Variants in DSG2 observed in about 807,000 individuals in gnomAD.
The protein encoded by DSG2 is desmoglein 2.
Under a neutral mutation model 75.6 loss-of-function variants are expected in DSG2, and 45 were observed. The observed-to-expected ratio is 0.60, with a 90% CI of 0.47 to 0.76. The LOEUF (loss-of-function observed/expected upper bound fraction) is 0.76. Ranked by LOEUF, DSG2 falls within the 30% of genes least tolerant of loss-of-function variation. The pLI, the probability that DSG2 is intolerant of heterozygous loss-of-function variation, is 0.00. For missense variants in DSG2, 1,267 were observed against 1,357.4 expected (o/e 0.93, Z 1.05); for synonymous variants, 429 against 483.9 (o/e 0.89, Z 1.49).
chr18:31,542,669 G>A lies in DSG2; in HGVS notation c.2151G>A (p.Arg717=). Residue 717 remains arginine (R), a synonymous_variant, in exon 14 of 15, where the codon AGG becomes AGA. Coordinates refer to ENST00000261590, the MANE Select transcript of DSG2 (RefSeq NM_001943.5). The part of the protein sequence containing the change: ...GQHEMSEMDG[R]WEEHRSLLSG... ...ATGAGATGTCCGAGATGGATGGAAGGTGGGAAGAACACAGAAGCCTGCTTT... is the reference window on the plus strand; with the variant it reads ...ATGAGATGTCCGAGATGGATGGAAGATGGGAAGAACACAGAAGCCTGCTTT... 1 of 1,614,172 alleles carries A rather than the reference G, an allele frequency of 6.2e-7. No homozygotes were observed. Among genetic ancestry groups the A allele is most frequent in the Non-Finnish European group, 8.5e-7 (1 of 1,180,026 alleles).
chr18:31,534,077 G>C (rs1445486749), intron 9 of DSG2, among the ~76,000 whole-genome samples: 1 of 144,012 alleles, frequency 6.9e-6, no homozygotes, highest in African/African-American at 2.6e-5. Context: ...TGCAACCTCT[G>C]CCTCCCGGGT....
chr18:31,537,190 C>A (rs1349530582), intron 11 of DSG2, among the ~76,000 whole-genome samples: 1 of 152,054 alleles, frequency 6.6e-6, no homozygotes, highest in African/African-American at 2.4e-5. Context: ...TTAAGTCTAG[C>A]AAATGTTTGA....
intron 9 of DSG2, among the ~76,000 whole-genome samples, chr18:31,534,755 C>T (rs1179979790): frequency 6.6e-6 from 1 of 152,142 alleles, no homozygotes; most frequent in Admixed American, 6.5e-5. Flanking sequence ...AGTGATCCAC[C>T]CGCCTCAGCC....
intron 1 of DSG2, among the ~76,000 whole-genome samples, chr18:31,516,226 G>A (rs915775520): frequency 2.0e-5 from 3 of 152,060 alleles, no homozygotes; most frequent in Non-Finnish European, 4.4e-5. Context: ...CAATGGAGAA[G>A]GAAGATAAAA....
intron 3 of DSG2, 76 bp downstream of exon 3, chr18:31,520,013 A>C: frequency 3.8e-6 from 6 of 1,574,280 alleles, no homozygotes; most frequent in Non-Finnish European, 5.2e-6. Context: ...TGTCTACTTT[A>C]AGATTTAAGG....
chr18:31,518,187 A>G, intron 1 of DSG2, 52 bp from the exon 2 acceptor site: 2 of 1,400,340 alleles, frequency 1.4e-6, no homozygotes, highest in Non-Finnish European at 2.0e-6. Flanking sequence ...CAATGTTTTC[A>G]CACTGAATTG....
At chr18:31,542,496 T>C in intron 13 of DSG2, 24 bp from the exon 14 acceptor site, 1 of 1,612,542 alleles carries the variant, frequency 6.2e-7, no homozygotes, top group Non-Finnish European at 8.5e-7. Context: ...CTGACTCAGT[T>C]CTCAGCTGTG....
intron 9 of DSG2, among the ~76,000 whole-genome samples, chr18:31,533,885 C>T (rs927815661): frequency 6.6e-6 from 1 of 151,906 alleles, no homozygotes; most frequent in Non-Finnish European, 1.5e-5. Context: ...AATAAATTAA[C>T]AATTTGATTG....
At position 31,535,338 on chromosome 18, in the gene DSG2, C is replaced by T. The variant is rs752646801; in HGVS notation, c.1349C>T (p.Ala450Val). Residue 450 changes from alanine to valine, a missense_variant, in exon 10 of 15, where the codon GCA becomes GTA. Physicochemically the swap from Ala to Val is moderately conservative, Grantham distance 64 (BLOSUM62 0). Transcript: ENST00000261590. ...VDSVTSEIKL[A>V]KLPDFESRYV... ...TCTGTCACATCTGAAATTAAACTTGCAAAACTTCCTGATTTTGAATCTAGA... is the reference window on the plus strand; with the variant it reads ...TCTGTCACATCTGAAATTAAACTTGTAAAACTTCCTGATTTTGAATCTAGA... 3 of 1,609,088 alleles carry T rather than the reference C, an allele frequency of 1.9e-6. No homozygotes were observed. The highest frequency in any genetic ancestry group is 2.6e-6 in the Non-Finnish European group (3 of 1,176,118).
rs2073275454 is a variant in DSG2, at chr18:31,542,605, T to G, written c.2087T>G (p.Met696Arg). Residue 696 changes from methionine (M) to arginine (R), a missense_variant, in exon 14 of 15, where the codon ATG becomes AGG. By Grantham distance (91) the Met-to-Arg change is moderately conservative. Transcript: ENST00000261590. Reference protein sequence around the residue: ...GVGGMAKEATMKGSSSASIVK... With the variant: ...GVGGMAKEATRKGSSSASIVK... ...GGAGGTATGGCCAAGGAAGCCACGA[T>G]GAAAGGAAGTAGCTCTGCTTCCATT... 2.5e-6 allele frequency: 4 copies of G among 1,614,048 alleles called. No individual in the cohort carries two copies. In the East Asian group the frequency reaches 8.9e-5, roughly 36 times the overall value.
chr18:31,545,810 T>C lies in DSG2; in HGVS notation c.2424T>C (p.Asn808=), dbSNP rs1288711942. The C allele has an allele frequency of 6.2e-7, 1 of 1,614,112 alleles. No homozygotes were observed. Among genetic ancestry groups the C allele is most frequent in the African/African-American group, 1.3e-5 (1 of 74,954 alleles). The change falls in exon 15 of 15, where the codon AAT becomes AAC. Residue 808 remains asparagine (N), a synonymous_variant. Coordinates refer to ENST00000261590, the MANE Select transcript of DSG2 (RefSeq NM_001943.5). ...CTCAGGAAGAAACTGAATCGCTGAATGCTTCTATTGGTTGTTGCAGTTTTA... is the reference window on the plus strand; with the variant it reads ...CTCAGGAAGAAACTGAATCGCTGAACGCTTCTATTGGTTGTTGCAGTTTTA... ...VYSQEETESL[N]ASIGCCSFIE... is the part of the protein sequence containing the mutation.
intron 1 of DSG2, among the ~76,000 whole-genome samples, chr18:31,508,703 C>T (rs1444894588): frequency 6.6e-6 from 1 of 152,122 alleles, no homozygotes; most frequent in African/African-American, 2.4e-5. Context: ...CCACTGAGCC[C>T]GGCCTGAATT....
At chr18:31,539,961 G>A (rs921095597) in intron 12 of DSG2, among the ~76,000 whole-genome samples, 7 of 151,924 alleles carry the variant, frequency 4.6e-5, no homozygotes, top group African/African-American at 1.2e-4. Context: ...TCCAGGTTGC[G>A]TGCTCCTTAT....
intron 12 of DSG2, 64 bp from the exon 13 acceptor site, chr18:31,541,129 G>A: frequency 6.2e-7 from 1 of 1,608,642 alleles, no homozygotes; most frequent in Non-Finnish European, 8.5e-7. Context: ...CCAAAATTGT[G>A]CAATATAAAT....
intron 1 of DSG2, among the ~76,000 whole-genome samples, chr18:31,502,080 G>A (rs2073016414): frequency 6.6e-6 from 1 of 152,104 alleles, no homozygotes; most frequent in Non-Finnish European, 1.5e-5. Flanking sequence ...GTAGGTAATG[G>A]GAAAATGGCA....
At position 31,538,787 on chromosome 18, in the gene DSG2, T is replaced by G. The variant is rs780469370; in HGVS notation, c.1688T>G (p.Leu563Arg). Residue 563 changes from leucine to arginine, a missense_variant, in exon 12 of 15, where the codon CTT becomes CGT. Leu to Arg is a moderately radical substitution (Grantham distance 102). Transcript: ENST00000261590. ...CTGCTGCAACAAAGTGAGAAAAAGC[T>G]TGGGAGAAGTGAAATTCAGTTCCTG... ...SVLLQQSEKK[L>R]GRSEIQFLIS... 3.0e-5 allele frequency: 48 copies of G among 1,614,156 alleles called. No homozygotes were observed. In the East Asian group the frequency reaches 1.0e-3, roughly 35 times the overall value.
At chr18:31,537,935 A>G (rs2073241315) in intron 11 of DSG2, among the ~76,000 whole-genome samples, 1 of 152,146 alleles carries the variant, frequency 6.6e-6, no homozygotes, top group Non-Finnish European at 1.5e-5. Context: ...CAGAGGTTGC[A>G]GTGAGCCAAG....
At chr18:31,515,319 A>T (rs1239985265) in intron 1 of DSG2, among the ~76,000 whole-genome samples, 2 of 152,040 alleles carry the variant, frequency 1.3e-5, no homozygotes, top group Admixed American at 6.6e-5. Context: ...GTTAGCCAGG[A>T]TGGTCTCGAT....
intron 1 of DSG2, among the ~76,000 whole-genome samples, chr18:31,511,477 A>G (rs1280522163): frequency 2.0e-5 from 3 of 152,254 alleles, no homozygotes; most frequent in African/African-American, 7.2e-5. Context: ...TTAAGGAACC[A>G]GATCCAAATT....
Sources: allele counts gnomAD v4.1 joint callset (sites outside exome capture counted in the v4.1 genomes callset), GRCh38; gene constraint gnomAD v4.1.1; transcripts MANE v1.5; gene names NCBI Gene and HGNC (gene_info 2026-07-23, HGNC 2026-07-21).